Variants in TOMM20 observed in about 807,000 individuals in gnomAD.
TOMM20 encodes the protein translocase of outer mitochondrial membrane 20, also known as mitochondrial import receptor subunit TOM20 homolog.
TOMM20 carries 10 observed loss-of-function variants against 22.1 expected under a neutral mutation model. The observed-to-expected ratio is 0.45, with a 90% CI of 0.28 to 0.77. TOMM20 has a LOEUF of 0.77. TOMM20 is among the 30% of genes least tolerant of loss of function. TOMM20 has a pLI of 0.13. For synonymous variants in TOMM20, 55 were observed against 61.4 expected (o/e 0.90, Z 0.49); for missense variants, 121 against 172.2 (o/e 0.70, Z 1.66).
intron 1 of TOMM20, among the ~76,000 whole-genome samples, chr1:235,124,574 G>A (rs755693537): frequency 1.3e-5 from 2 of 152,128 alleles, no homozygotes; most frequent in Non-Finnish European, 2.9e-5. Flanking sequence ...CAAGTTTGTG[G>A]GATCAACTGT....
chr1:235,113,702 A>C, intron 4 of TOMM20, 66 bp downstream of exon 4: 1 of 1,523,416 alleles, frequency 6.6e-7, no homozygotes, highest in Non-Finnish European at 8.8e-7. Flanking sequence ...GCTCATTTTA[A>C]AATGTCCCTA....
At chr1:235,123,819 T>C (rs1660970034) in intron 1 of TOMM20, among the ~76,000 whole-genome samples, 1 of 152,226 alleles carries the variant, frequency 6.6e-6, no homozygotes, top group Non-Finnish European at 1.5e-5. Flanking sequence ...TTTGTTCTCT[T>C]AAGGCAGAAA....
At chr1:235,126,264 C>G (rs1167901599) in intron 1 of TOMM20, among the ~76,000 whole-genome samples, 2 of 151,830 alleles carry the variant, frequency 1.3e-5, no homozygotes, top group African/African-American at 4.8e-5. Context: ...TCCCAAGCAG[C>G]TGGGACTACC....
intron 1 of TOMM20, among the ~76,000 whole-genome samples, chr1:235,124,209 T>C (rs1030372662): frequency 3.3e-5 from 5 of 152,200 alleles, no homozygotes; most frequent in African/African-American, 7.2e-5. Flanking sequence ...TAGCCAGGTA[T>C]GGTGGCAGGC....
Position 235,114,516 on chromosome 1 carries a change from A to G in TOMM20, c.251-606T>C, listed in dbSNP as rs184103303. On this transcript the variant is annotated intron_variant, in intron 3 of 4. Transcript: ENST00000366607. ...CAGTGGCACGATCTCGGCTCACTGC[A>G]GGCTCTGCTCCCCAGGGTTCACGCC... Among the ~76,000 whole-genome samples, 488 of 147,516 alleles carry G rather than the reference A, an allele frequency of 3.3e-3. 4 individuals carry two copies. The highest frequency in any genetic ancestry group is 0.012 in the African/African-American group (459 of 39,574).
intron 1 of TOMM20, among the ~76,000 whole-genome samples, chr1:235,127,097 T>C (rs578252221): frequency 2.6e-4 from 40 of 152,344 alleles, no homozygotes; most frequent in African/African-American, 8.2e-4. Context: ...CAACGGAAGA[T>C]AGGGTTAATC....
At chr1:235,120,465 A>G (rs1660912322) in intron 2 of TOMM20, among the ~76,000 whole-genome samples, 1 of 151,930 alleles carries the variant, frequency 6.6e-6, no homozygotes, top group Non-Finnish European at 1.5e-5. Context: ...GGGTTTCGCA[A>G]TGTTGGCCAG....
At chr1:235,122,045 G>C (rs973344554) in intron 2 of TOMM20, among the ~76,000 whole-genome samples, 1 of 152,052 alleles carries the variant, frequency 6.6e-6, no homozygotes. Context: ...TTCATCTTTT[G>C]GTGCAAATGT....
chr1:235,128,308 C>T (rs2102815224), intron 1 of TOMM20, among the ~76,000 whole-genome samples: 1 of 152,354 alleles, frequency 6.6e-6, no homozygotes, highest in South Asian at 2.1e-4. Flanking sequence ...AAGAGACAAC[C>T]TCCTCCCCAG....
At chr1:235,125,868 G>A (rs1232622044) in intron 1 of TOMM20, among the ~76,000 whole-genome samples, 1 of 150,250 alleles carries the variant, frequency 6.7e-6, no homozygotes. Context: ...TCCTACCTCA[G>A]TCTCCCAAGT....
chr1:235,127,775 G>T (rs765301468), intron 1 of TOMM20: 7 of 474,546 alleles, frequency 1.5e-5, no homozygotes, highest in Non-Finnish European at 2.5e-5. Context: ...TTCATGACAC[G>T]ATTCCCCTCT....
At chr1:235,115,826 T>G (rs1035558088) in intron 3 of TOMM20, among the ~76,000 whole-genome samples, 1 of 152,122 alleles carries the variant, frequency 6.6e-6, no homozygotes, top group African/African-American at 2.4e-5. Context: ...CAACATTACC[T>G]ATGTGTAGGG....
chr1:235,128,325 C>T (rs1364908493), intron 1 of TOMM20, among the ~76,000 whole-genome samples: 1 of 152,252 alleles, frequency 6.6e-6, no homozygotes, highest in Non-Finnish European at 1.5e-5. Context: ...CCAGGCCACA[C>T]ACACCCGAGA....
chr1:235,112,750 G>C (rs1660758527), intron 4 of TOMM20, among the ~76,000 whole-genome samples: 1 of 152,130 alleles, frequency 6.6e-6, no homozygotes, highest in African/African-American at 2.4e-5. Context: ...TAAGGAATTA[G>C]GCTTCATAGT....
chr1:235,114,041 A>C, intron 3 of TOMM20, 131 bp from the exon 4 acceptor site: 1 of 897,624 alleles, frequency 1.1e-6, no homozygotes, highest in Non-Finnish European at 1.6e-6. Context: ...ATGACCTATA[A>C]TGCATTCATA....
In TOMM20 at chr1:235,112,048, T is replaced by C. The variant is rs1269716646; in HGVS notation, c.*16A>G. On this transcript the variant is annotated 3_prime_UTR_variant, in exon 5 of 5. Transcript: ENST00000366607. ...AATATTTTTAACTGAGATTTTATTA[T>C]GTTGACATTTGTTTCTCATTCCACA... is the stretch of plus-strand genomic sequence containing the variant. The C allele has an allele frequency of 1.2e-6, 2 of 1,604,066 alleles. No individual in the cohort carries two copies. Among genetic ancestry groups the C allele is most frequent in the South Asian group, 1.1e-5 (1 of 89,082 alleles).
chr1:235,128,811 A>AT lies in TOMM20; in HGVS notation c.-97_-96insA. 6.4e-7 allele frequency: 1 copy of AT among 1,562,400 alleles called. No homozygotes were observed. Among genetic ancestry groups the AT allele is most frequent in the Non-Finnish European group, 8.6e-7 (1 of 1,156,264 alleles). ...GAGCGGTCGGCGCAGCTCACACCCG[A>AT]CGGCCGCGGGCCAGGAACACAGAAA... On this transcript the variant is annotated 5_prime_UTR_variant, in exon 1 of 5. Transcript: ENST00000366607.
Position 235,128,584 on chromosome 1 carries a change from G to A in TOMM20, c.121+11C>T. The A allele has an allele frequency of 6.2e-7, 1 of 1,612,040 alleles. No individual in the cohort carries two copies. The highest frequency in any genetic ancestry group is 8.5e-7 in the Non-Finnish European group (1 of 1,179,844). On this transcript the variant is annotated intron_variant, in intron 1 of 4. Coordinates refer to ENST00000366607, the MANE Select transcript of TOMM20 (RefSeq NM_014765.3). ...CAGCAAGCCTGGCCAGGGGAGAGAG[G>A]ACCCACTCACGTTCTCGAAGCCTGT...
chr1:235,125,818 C>T (rs4297357), intron 1 of TOMM20, among the ~76,000 whole-genome samples: 24,555 of 150,906 alleles, frequency 0.16, 2,226 homozygotes, highest in Middle Eastern at 0.23. Context: ...GGCGCCATCT[C>T]GGCTCACTGC....
Sources: allele counts gnomAD v4.1 joint callset (sites outside exome capture counted in the v4.1 genomes callset), GRCh38; gene constraint gnomAD v4.1.1; transcripts MANE v1.5; gene names NCBI Gene and HGNC (gene_info 2026-07-23, HGNC 2026-07-21).